NBAS: variants seen among roughly 807,000 people sequenced by gnomAD.
NBAS encodes NAG/BC035112 fusion.
NBAS carries 219 observed loss-of-function variants against 302.5 expected under a neutral mutation model. The ratio of observed to expected loss-of-function variants is 0.72; its 90% CI spans 0.65 to 0.81. The LOEUF is 0.81. NBAS is among the 30% of genes least tolerant of loss of function. NBAS has a pLI of 0.00. For synonymous variants in NBAS, 1,118 were observed against 1,021.6 expected, an observed-to-expected ratio of 1.09 and a Z score of -1.80; for missense variants, 2,932 against 2,841.6, an observed-to-expected ratio of 1.03 and a Z score of -0.72.
At chr2:15,448,348 A>G (rs1197224183) in intron 21 of NBAS, among the ~76,000 whole-genome samples, 2 of 152,206 alleles carry the variant, frequency 1.3e-5, no homozygotes, top group Non-Finnish European at 2.9e-5. Flanking sequence ...CTGTCTAATG[A>G]ACACCACTTA....
chr2:14,944,197 G>C, the NBAS span, among the ~76,000 whole-genome samples: 2 of 152,326 alleles, frequency 1.3e-5, no homozygotes, highest in African/African-American at 4.8e-5. Context: ...CTACGCGGGA[G>C]GCTGAGGCAG....
At chr2:15,265,420 T>C (rs985049980) in intron 44 of NBAS, among the ~76,000 whole-genome samples, 7 of 152,134 alleles carry the variant, frequency 4.6e-5, no homozygotes, top group African/African-American at 1.7e-4. Flanking sequence ...TCAAATGAGC[T>C]AGGGTATAGG....
At chr2:15,059,992 C>G in the NBAS span, among the ~76,000 whole-genome samples, 1 of 142,348 alleles carries the variant, frequency 7.0e-6, no homozygotes, top group Non-Finnish European at 1.5e-5. Flanking sequence ...AAAAAACACT[C>G]CACGTAGAAG....
At chr2:15,518,921 G>T (rs1233277433) in intron 9 of NBAS, among the ~76,000 whole-genome samples, 1 of 152,038 alleles carries the variant, frequency 6.6e-6, no homozygotes, top group African/African-American at 2.4e-5. Flanking sequence ...AAGAACATGG[G>T]AAAGACTCGC....
At chr2:15,155,788 G>A in the NBAS span, among the ~76,000 whole-genome samples, 1 of 152,136 alleles carries the variant, frequency 6.6e-6, no homozygotes, top group African/African-American at 2.4e-5. Context: ...ACTGACTGTT[G>A]AAAAGTTTCA....
the NBAS span, among the ~76,000 whole-genome samples, chr2:14,877,218 A>C: frequency 4.4e-4 from 67 of 152,278 alleles, no homozygotes; most frequent in East Asian, 0.012. Flanking sequence ...TCCAAGAGCC[A>C]TCCTAGCTGT....
chr2:15,541,452 T>C (rs959357275), intron 6 of NBAS, among the ~76,000 whole-genome samples: 1 of 152,138 alleles, frequency 6.6e-6, no homozygotes. Flanking sequence ...AAAGAAATAA[T>C]GTGTAGAGTT....
At chr2:15,147,932 T>A in the NBAS span, among the ~76,000 whole-genome samples, 1 of 152,124 alleles carries the variant, frequency 6.6e-6, no homozygotes, top group African/African-American at 2.4e-5. Flanking sequence ...ATAGGCTAAA[T>A]GTGTTTCAGA....
At chr2:15,529,166 T>C in intron 9 of NBAS, among the ~76,000 whole-genome samples, 1 of 152,050 alleles carries the variant, frequency 6.6e-6, no homozygotes. Flanking sequence ...AGTATATATA[T>C]ATGTGCTGAG....
the NBAS span, among the ~76,000 whole-genome samples, chr2:14,847,319 C>A: frequency 7.2e-6 from 1 of 139,748 alleles, no homozygotes; most frequent in Non-Finnish European, 1.5e-5. Context: ...GGAGGCGGAG[C>A]TTGCAGTGAG....
At chr2:14,834,776 C>T in the NBAS span, among the ~76,000 whole-genome samples, 85,322 of 151,846 alleles carry the variant, frequency 0.56, 26,342 homozygotes, top group African/African-American at 0.84. Flanking sequence ...AATAAGCCTA[C>T]ACAGAAAGGT....
At chr2:15,129,927 T>C in the NBAS span, among the ~76,000 whole-genome samples, 1 of 152,246 alleles carries the variant, frequency 6.6e-6, no homozygotes, top group East Asian at 1.9e-4. Context: ...TATGTGTGTG[T>C]TAAAATACAC....
chr2:14,949,271 C>T, the NBAS span, among the ~76,000 whole-genome samples: 1 of 152,106 alleles, frequency 6.6e-6, no homozygotes, highest in Non-Finnish European at 1.5e-5. Flanking sequence ...AGCTTCTGCA[C>T]AGCAAAGCAA....
chr2:15,422,042 T>C (rs530832709), intron 23 of NBAS, among the ~76,000 whole-genome samples: 4 of 152,240 alleles, frequency 2.6e-5, no homozygotes, highest in African/African-American at 7.2e-5. Flanking sequence ...GTTTTGACAA[T>C]TGCATAATGA....
At chr2:15,517,536 T>TAC (rs912635051) in intron 9 of NBAS, among the ~76,000 whole-genome samples, 29 of 151,870 alleles carry the variant, frequency 1.9e-4, no homozygotes, top group South Asian at 1.5e-3. Context: ...TGTGAATGTA[T>TAC]ACACACACAC....
At chr2:15,178,596 A>AAC (rs1664664032) in intron 51 of NBAS, among the ~76,000 whole-genome samples, 1 of 152,184 alleles carries the variant, frequency 6.6e-6, no homozygotes, top group Non-Finnish European at 1.5e-5. Context: ...TGGATAACCT[A>AAC]ACACACACAT....
intron 35 of NBAS, among the ~76,000 whole-genome samples, chr2:15,346,227 G>A (rs1454825905): frequency 1.3e-5 from 2 of 152,048 alleles, no homozygotes; most frequent in Non-Finnish European, 2.9e-5. Context: ...GCAACCTACA[G>A]AATGGGAGAA....
chr2:15,102,123 T>C, the NBAS span, among the ~76,000 whole-genome samples: 17 of 152,326 alleles, frequency 1.1e-4, no homozygotes, highest in South Asian at 2.1e-4. Context: ...GCTAGGGCAG[T>C]TCTGAGGGAG....
At chr2:14,905,148 C>T in the NBAS span, among the ~76,000 whole-genome samples, 1 of 152,220 alleles carries the variant, frequency 6.6e-6, no homozygotes, top group African/African-American at 2.4e-5. Flanking sequence ...GTGGGTATTC[C>T]TCTCCAGTTC....
Sources: allele counts gnomAD v4.1 joint callset (sites outside exome capture counted in the v4.1 genomes callset), GRCh38; gene constraint gnomAD v4.1.1; transcripts MANE v1.5; gene names NCBI Gene and HGNC (gene_info 2026-07-23, HGNC 2026-07-21).